The following GBF1 variants were observed in gnomAD, a reference collection of about 807,000 sequenced individuals.
The protein encoded by GBF1 is Golgi-specific brefeldin A-resistance guanine nucleotide exchange factor 1.
GBF1 carries 114 observed loss-of-function variants against 210.5 expected under a neutral mutation model. The ratio of observed to expected loss-of-function variants is 0.54; its 90% CI spans 0.47 to 0.63. GBF1 has a LOEUF of 0.63. Ranked by LOEUF, GBF1 falls within the 30% of genes least tolerant of loss-of-function variation. The pLI is 0.00. For missense variants in GBF1, 1,851 were observed against 2,357.7 expected (o/e 0.79, Z 4.45); for synonymous variants, 850 against 889.2 (o/e 0.96, Z 0.78).
chr10:102,256,038 C>T (rs553690516), intron 1 of GBF1, among the ~76,000 whole-genome samples: 5 of 152,280 alleles, frequency 3.3e-5, no homozygotes, highest in South Asian at 2.1e-4. Flanking sequence ...CTCAATCTAC[C>T]GGCCTCAAGC....
Position 102,366,240 on chromosome 10 carries a change from G to A in GBF1, c.2310-143G>A. ...TATTAAGGCTAGGGGTTGTGTTAGG[G>A]ATGAACAGGAGATACTGCCCCTTTA... On this transcript the variant is annotated intron_variant, in intron 18 of 39. Coordinates refer to ENST00000369983, the MANE Select transcript of GBF1 (RefSeq NM_001377137.1). This position sits in a 1 kb window ranked among gnomAD's most constrained non-coding sequence, Gnocchi z 4.0. 1 of 758,184 alleles carries A rather than the reference G, an allele frequency of 1.3e-6. No individual in the cohort carries two copies. Among genetic ancestry groups the A allele is most frequent in the African/African-American group, 1.7e-5 (1 of 57,582 alleles). The allele number at this position is 758,184 out of a possible 1,614,324, so 47.0% of individuals were successfully genotyped here.
chr10:102,307,799 A>T (rs1049043300), intron 3 of GBF1, among the ~76,000 whole-genome samples: 11 of 152,168 alleles, frequency 7.2e-5, no homozygotes, highest in African/African-American at 2.7e-4. Context: ...GTCTCAAAAA[A>T]AACAAAAAAA....
Position 102,367,544 on chromosome 10 carries a change from A to G in GBF1, c.2626A>G (p.Met876Val), listed in dbSNP as rs768116819. The G allele has an allele frequency of 6.3e-7, 1 of 1,585,884 alleles. No homozygotes were observed. The highest frequency in any genetic ancestry group is 8.7e-7 in the Non-Finnish European group (1 of 1,154,130). ...CTTTGAGCAAGACATCCTGGAGGACATGTACCATGCCATCAAGTGAGTATA... is the reference window on the plus strand; with the variant it reads ...CTTTGAGCAAGACATCCTGGAGGACGTGTACCATGCCATCAAGTGAGTATA... The part of the protein sequence containing the change: ...KDFEQDILED[M>V]YHAIKNEEIV... Residue 876 changes from methionine (M) to valine (V), a missense_variant, in exon 21 of 40, where the codon ATG becomes GTG. Physicochemically the swap from Met to Val is conservative, Grantham distance 21. This residue lies in a region of GBF1 where 80 missense variants were observed against 151.4 expected (regional missense o/e 0.53). Coordinates refer to ENST00000369983, the MANE Select transcript of GBF1 (RefSeq NM_001377137.1).
chr10:102,368,169 T>C (rs751557486), intron 21 of GBF1, 49 bp from the exon 22 acceptor site: 2 of 1,201,536 alleles, frequency 1.7e-6, no homozygotes, highest in Non-Finnish European at 2.5e-6. Context: ...GGTTTGGAAC[T>C]AGTCAGGTTC....
At chr10:102,352,994 G>C (rs2059096774) in intron 7 of GBF1, among the ~76,000 whole-genome samples, 1 of 152,164 alleles carries the variant, frequency 6.6e-6, no homozygotes. Flanking sequence ...AAGGCCCTTA[G>C]CCTAGGGCCT....
At chr10:102,359,851 C>T (rs1400003566) in intron 11 of GBF1, among the ~76,000 whole-genome samples, 1 of 150,412 alleles carries the variant, frequency 6.6e-6, no homozygotes, top group East Asian at 2.0e-4. Context: ...ATATCCTCGA[C>T]TTCCTGGGTT....
chr10:102,334,780 C>T (rs1837422154), intron 3 of GBF1, among the ~76,000 whole-genome samples: 1 of 150,802 alleles, frequency 6.6e-6, no homozygotes, highest in East Asian at 2.0e-4. Context: ...ACCGGAGAGG[C>T]GGAGGTTACA....
At chr10:102,349,138 G>C (rs1160424785) in intron 4 of GBF1, among the ~76,000 whole-genome samples, 1 of 151,916 alleles carries the variant, frequency 6.6e-6, no homozygotes, top group African/African-American at 2.4e-5. Context: ...GATAGAGCAA[G>C]ACCCTGTCTA....
At chr10:102,295,234 A>G (rs1300341799) in intron 3 of GBF1, among the ~76,000 whole-genome samples, 1 of 152,250 alleles carries the variant, frequency 6.6e-6, no homozygotes, top group Non-Finnish European at 1.5e-5. Flanking sequence ...AACTAAACTC[A>G]AAAACTGTCA....
At chr10:102,315,460 A>G (rs60154233) in intron 3 of GBF1, among the ~76,000 whole-genome samples, 46,333 of 152,032 alleles carry the variant, frequency 0.3, 7,952 homozygotes, top group African/African-American at 0.47. Flanking sequence ...CGGTTCCCCA[A>G]CCTTTTCAGC....
rs1230592595 is a variant in GBF1, at chr10:102,254,936, G to A, written c.-10-3993G>A. Among the ~76,000 whole-genome samples, 3 of 152,286 alleles carry A rather than the reference G, an allele frequency of 2.0e-5. No homozygotes were observed. In the South Asian group the frequency reaches 6.2e-4, roughly 32 times the overall value. ...TCAGTTTCCCATCTGAAGCTGAAGG[G>A]CACAACTGTTTGGAGATTCCCTGAG... is the stretch of plus-strand genomic sequence containing the variant. On this transcript the variant is annotated intron_variant, in intron 1 of 39. Transcript: ENST00000369983.
Position 102,358,610 on chromosome 10 carries a change from T to C in GBF1, c.892T>C (p.Ser298Pro). 6.2e-7 allele frequency: 1 copy of C among 1,613,766 alleles called. No individual in the cohort carries two copies. The highest frequency in any genetic ancestry group is 8.5e-7 in the Non-Finnish European group (1 of 1,179,648). ...PSTDSGLEFS[S>P]QTTSKEDLTD... ...TACAGACAGTGGCCTGGAATTCTCC[T>C]CCCAAACCACTTCCAAGGAAGACCT... Residue 298 changes from serine to proline, a missense_variant, in exon 10 of 40, where the codon TCC becomes CCC. Physicochemically the swap from Ser to Pro is moderately conservative, Grantham distance 74 (BLOSUM62 -1). Around this residue, in one of 3 missense-constraint regions of GBF1, gnomAD observed 804 missense variants for 958.6 expected, o/e 0.84. Transcript: ENST00000369983.
At chr10:102,361,666 C>T in intron 13 of GBF1, 52 bp from the exon 14 acceptor site, 3 of 1,285,016 alleles carry the variant, frequency 2.3e-6, no homozygotes, top group Non-Finnish European at 3.2e-6. Context: ...TTTTTCTCTT[C>T]CTATCTTGAA....
intron 3 of GBF1, among the ~76,000 whole-genome samples, chr10:102,291,134 C>CT (rs908281811): frequency 8.0e-5 from 12 of 149,928 alleles, no homozygotes; most frequent in South Asian, 2.1e-4. Flanking sequence ...TGCCAAGTCT[C>CT]TTTTTTTTTC....
rs758402455 is a variant in GBF1 at position 102,376,915 on chromosome 10, C to G, written c.4289-20C>G. ...GCCTATATAGACACAGAAATGTGAC[C>G]TGAGTCTGGCTCTGCTCAGGATGCA... On this transcript the variant is annotated intron_variant, in intron 32 of 39. Coordinates refer to ENST00000369983, the MANE Select transcript of GBF1 (RefSeq NM_001377137.1). 3.3e-5 allele frequency: 54 copies of G among 1,613,156 alleles called. No homozygotes were observed. The highest frequency in any genetic ancestry group is 4.5e-5 in the Non-Finnish European group (53 of 1,179,284).
intron 1 of GBF1, among the ~76,000 whole-genome samples, chr10:102,252,993 C>T (rs1256817753): frequency 6.6e-6 from 1 of 152,166 alleles, no homozygotes; most frequent in Non-Finnish European, 1.5e-5. Flanking sequence ...CTCCTGGGTT[C>T]AAGCAATCCT....
chr10:102,370,765 C>T lies in GBF1; in HGVS notation c.3565C>T (p.Gln1189Ter). ...VRDHLYHLCV[Q>*]AQDFCFLVER... ...AGACCATCTATACCACCTCTGTGTT[C>T]AGGCACAAGATTTCTGCTTCCTTGT... Residue 1189 changes from glutamine (Q) to a stop codon, truncating the protein, a stop_gained, in exon 29 of 40, where the codon CAG (glutamine) becomes TAG (stop). Coordinates refer to ENST00000369983, the MANE Select transcript of GBF1 (RefSeq NM_001377137.1). LOFTEE classifies it high-confidence loss of function. The T allele has an allele frequency of 1.2e-6, 2 of 1,613,972 alleles. No homozygotes were observed. The highest frequency in any genetic ancestry group is 1.7e-6 in the Non-Finnish European group (2 of 1,179,856).
intron 3 of GBF1, among the ~76,000 whole-genome samples, chr10:102,333,863 G>A (rs1407727776): frequency 1.3e-5 from 2 of 152,194 alleles, no homozygotes; most frequent in Non-Finnish European, 2.9e-5. Flanking sequence ...GGGGTGTACA[G>A]CATAGTCAGA....
At chr10:102,244,681 ACCGGGAGTCAAAG>A (rs1463631054), upstream of GBF1, among the ~76,000 whole-genome samples, 5 of 152,080 alleles carry the variant, frequency 3.3e-5, no homozygotes, top group Admixed American at 2.6e-4. Flanking sequence ...TGAAAGGCAG[ACCGGGAGTCAAAG>A]CCCGATATAC....
Sources: allele counts gnomAD v4.1 joint callset (sites outside exome capture counted in the v4.1 genomes callset), GRCh38; gene constraint gnomAD v4.1.1; regional missense constraint gnomAD v4.1.1; non-coding constraint Gnocchi (gnomAD v3.1); transcripts MANE v1.5; gene names NCBI Gene and HGNC (gene_info 2026-07-23, HGNC 2026-07-21).